Variants in C1orf21 observed in about 807,000 individuals in gnomAD.
The protein encoded by C1orf21 is uncharacterized protein C1orf21.
Under a neutral mutation model 18.7 loss-of-function variants are expected in C1orf21, and 3 were observed. The observed-to-expected ratio is 0.16, with a 90% confidence interval of 0.07 to 0.42. The LOEUF (loss-of-function observed/expected upper bound fraction) is 0.42, where lower values mean the gene tolerates loss of function less well. Ranked by LOEUF, C1orf21 falls within the 10% of genes least tolerant of loss-of-function variation. The probability of loss-of-function intolerance (pLI) is 0.99; values close to 1 mark genes in which losing one functional copy is unlikely to be tolerated. For synonymous variants in C1orf21, 41 were observed against 46.4 expected (o/e 0.88, Z 0.47); for missense variants, 104 against 143.6 (o/e 0.72, Z 1.41).
At chr1:184,543,294 G>A (rs1658682592) in intron 3 of C1orf21, among the ~76,000 whole-genome samples, 1 of 152,054 alleles carries the variant, frequency 6.6e-6, no homozygotes, top group African/African-American at 2.4e-5. Flanking sequence ...AGGCTGCAGT[G>A]AGCCATGATC....
Position 184,526,483 on chromosome 1 carries a change from G to T in C1orf21, c.189+18801G>T, listed in dbSNP as rs182846361. Among the ~76,000 whole-genome samples, 14 of 152,196 alleles carry T rather than the reference G, an allele frequency of 9.2e-5. No homozygotes were observed. The East Asian group carries it at 2.7e-3, about 29-fold the overall frequency. ...TTAGTGCTGAATTCTCTCTTAGCTT[G>T]GGTAGAACTTGGCAGGTAATACAAA... is the stretch of plus-strand genomic sequence containing the variant. On this transcript the variant is annotated intron_variant, in intron 3 of 5. Transcript: ENST00000235307.
At chr1:184,579,629 GC>G (rs1659249469) in intron 3 of C1orf21, among the ~76,000 whole-genome samples, 2 of 150,312 alleles carry the variant, frequency 1.3e-5, no homozygotes, top group South Asian at 4.2e-4. Context: ...TCCTGCCTCA[GC>G]CTCCCGAGTA....
intron 3 of C1orf21, chr1:184,542,616 G>A (rs1390954324): frequency 1.3e-5 from 2 of 152,234 alleles, no homozygotes; most frequent in Non-Finnish European, 2.9e-5. Context: ...TTCCATGTCA[G>A]AGAATCCTTT....
chr1:184,558,711 G>C (rs144678530), intron 3 of C1orf21, among the ~76,000 whole-genome samples: 10 of 152,144 alleles, frequency 6.6e-5, no homozygotes, highest in Non-Finnish European at 1.2e-4. Flanking sequence ...TAAGCTCTCT[G>C]TTTCTTTCTC....
chr1:184,542,309 C>T (rs902170251), intron 3 of C1orf21, among the ~76,000 whole-genome samples: 4 of 152,258 alleles, frequency 2.6e-5, no homozygotes, highest in Non-Finnish European at 5.9e-5. Context: ...AAAGGTTTTT[C>T]GTATCCTTAT....
At chr1:184,463,821 A>G (rs1657345478) in intron 1 of C1orf21, among the ~76,000 whole-genome samples, 1 of 152,250 alleles carries the variant, frequency 6.6e-6, no homozygotes, top group Non-Finnish European at 1.5e-5. Context: ...ACATGTAGCA[A>G]CATGGATAGG....
intron 3 of C1orf21, among the ~76,000 whole-genome samples, chr1:184,538,411 A>T (rs551719568): frequency 6.6e-6 from 1 of 152,294 alleles, no homozygotes; most frequent in African/African-American, 2.4e-5. Context: ...CTCATTCCGT[A>T]GGTTGCCTTT....
At chr1:184,538,095 T>C (rs1414388006) in intron 3 of C1orf21, among the ~76,000 whole-genome samples, 1 of 147,402 alleles carries the variant, frequency 6.8e-6, no homozygotes, top group Admixed American at 6.8e-5. Flanking sequence ...TGTACAAGAA[T>C]TCTAGTTACT....
intron 3 of C1orf21, among the ~76,000 whole-genome samples, chr1:184,545,402 A>G (rs1417993151): frequency 1.3e-5 from 2 of 152,234 alleles, no homozygotes; most frequent in Admixed American, 1.3e-4. Context: ...TTTAAAATAT[A>G]TACATGTAAT....
intron 1 of C1orf21, among the ~76,000 whole-genome samples, chr1:184,433,507 T>C (rs562335747): frequency 6.6e-6 from 1 of 152,290 alleles, no homozygotes; most frequent in East Asian, 1.9e-4. Context: ...TCCAATTTCT[T>C]AGTACAATAT....
chr1:184,478,459 A>T (rs546768194), intron 2 of C1orf21, among the ~76,000 whole-genome samples: 1 of 152,308 alleles, frequency 6.6e-6, no homozygotes, highest in East Asian at 1.9e-4. Context: ...GCCTTTAAAA[A>T]TCAGGATATT....
intron 5 of C1orf21, among the ~76,000 whole-genome samples, chr1:184,608,753 T>G (rs1272884851): frequency 6.6e-6 from 1 of 152,170 alleles, no homozygotes; most frequent in East Asian, 1.9e-4. Context: ...AGTGAAAGCC[T>G]CAGGCTCCAT....
intron 3 of C1orf21, among the ~76,000 whole-genome samples, chr1:184,556,199 G>A (rs1380790721): frequency 1.3e-5 from 2 of 152,140 alleles, no homozygotes; most frequent in Non-Finnish European, 1.5e-5. Flanking sequence ...GCAGGTACTT[G>A]TTGGATAACA....
intron 5 of C1orf21, among the ~76,000 whole-genome samples, chr1:184,607,671 GTA>G (rs547163786): frequency 2.0e-5 from 3 of 150,152 alleles, no homozygotes; most frequent in East Asian, 2.0e-4. Flanking sequence ...ATATATGTGT[GTA>G]TATATATACA....
At chr1:184,585,172 C>G (rs1054185513) in intron 3 of C1orf21, among the ~76,000 whole-genome samples, 2 of 152,134 alleles carry the variant, frequency 1.3e-5, no homozygotes, top group Non-Finnish European at 2.9e-5. Context: ...TAGAGAGGCA[C>G]TATGGTCAAA....
At position 184,555,765 on chromosome 1, in the gene C1orf21, C is replaced by T. The variant is rs912219451; in HGVS notation, c.190-34974C>T. Among the ~76,000 whole-genome samples, 8 of 152,192 alleles carry T rather than the reference C, an allele frequency of 5.3e-5. 1 individual carries two copies. The South Asian group carries it at 1.5e-3, about 28-fold the overall frequency. On this transcript the variant is annotated intron_variant, in intron 3 of 5. Coordinates refer to ENST00000235307, the MANE Select transcript of C1orf21 (RefSeq NM_030806.4). ...TCAGAAGTTCCGAGTGAGGAAGGCT[C>T]CCCTCCAACACAGAGGCATTCTTCT...
chr1:184,581,543 G>A (rs78447179), intron 3 of C1orf21, among the ~76,000 whole-genome samples: 1,911 of 152,120 alleles, frequency 0.013, 43 homozygotes, highest in African/African-American at 0.042. Flanking sequence ...TTCCAAGTTC[G>A]TTGATTTTCT....
At chr1:184,462,221 C>T (rs562187545) in intron 1 of C1orf21, among the ~76,000 whole-genome samples, 1 of 152,262 alleles carries the variant, frequency 6.6e-6, no homozygotes, top group African/African-American at 2.4e-5. Flanking sequence ...GGTATTCAGC[C>T]TAGGGCATAC....
At chr1:184,532,689 G>A (rs1658486398) in intron 3 of C1orf21, among the ~76,000 whole-genome samples, 2 of 152,222 alleles carry the variant, frequency 1.3e-5, no homozygotes, top group Non-Finnish European at 2.9e-5. Context: ...CAAGTTTACA[G>A]TGAGCTATGA....
Sources: gnomAD v4.1 joint callset for allele counts (sites outside exome capture counted in the v4.1 genomes callset) on GRCh38, gnomAD v4.1.1 for gene constraint, MANE v1.5 for transcripts, NCBI Gene and HGNC (gene_info 2026-07-23, HGNC 2026-07-21) for gene names.